Variants in AOPEP observed in about 807,000 individuals in gnomAD.
AOPEP encodes the protein aminopeptidase O.
In AOPEP, 77 loss-of-function variants were observed where a neutral mutation model predicts 98.1. The observed-to-expected ratio is 0.78, with a 90% CI of 0.65 to 0.95. AOPEP has a LOEUF of 0.95. Ranked by LOEUF, AOPEP falls within the 40% of genes least tolerant of loss-of-function variation. The pLI, the probability that AOPEP is intolerant of heterozygous loss-of-function variation, is 0.00. For missense variants in AOPEP, 1,024 were observed against 1,024.7 expected (o/e 1.00, Z 0.01); for synonymous variants, 346 against 365.3 (o/e 0.95, Z 0.60).
At chr9:95,143,933 G>A in the AOPEP span, among the ~76,000 whole-genome samples, 16 of 152,234 alleles carry the variant, frequency 1.1e-4, no homozygotes, top group African/African-American at 3.9e-4. Flanking sequence ...AGCATCTGCT[G>A]TTTAAAAGAC....
intron 7 of AOPEP, chr9:94,932,483 T>TTA: frequency 5.8e-6 from 1 of 171,684 alleles, no homozygotes; most frequent in Non-Finnish European, 1.1e-5. Context: ...CTTTCTTTCT[T>TTA]TCTTTTTTTT....
At chr9:94,770,942 A>C (rs1221366792) in intron 2 of AOPEP, among the ~76,000 whole-genome samples, 1 of 152,218 alleles carries the variant, frequency 6.6e-6, no homozygotes, top group African/African-American at 2.4e-5. Flanking sequence ...GCTACTTCAC[A>C]GAAGTCTTCC....
chr9:95,060,716 T>G lies in AOPEP; in HGVS notation c.2138T>G (p.Leu713Trp), dbSNP rs750335512. The change falls in exon 14 of 17, where the codon TTG (leucine) becomes TGG (tryptophan). Residue 713 changes from leucine (L) to tryptophan (W), a missense_variant. Around this residue, in one of 3 missense-constraint regions of AOPEP, gnomAD observed 566 missense variants for 551.7 expected, o/e 1.03. Coordinates refer to ENST00000375315, the MANE Select transcript of AOPEP (RefSeq NM_001193329.3). ...TAGCTTCTTCCAGACCAGCTGGTCT[T>G]GCTTCTGGAGCATCTCTTGGAGCAG... ...FEKLLPDQLV[L>W]LLEHLLEQKT... 1 of 1,614,070 alleles carries G rather than the reference T, an allele frequency of 6.2e-7. No individual in the cohort carries two copies. Among genetic ancestry groups the G allele is most frequent in the South Asian group, 1.1e-5 (1 of 91,082 alleles).
At chr9:94,779,087 T>A (rs1232056279) in intron 3 of AOPEP, among the ~76,000 whole-genome samples, 1 of 152,154 alleles carries the variant, frequency 6.6e-6, no homozygotes, top group Non-Finnish European at 1.5e-5. Context: ...GGTGTCAACT[T>A]GACTGGATTA....
At chr9:95,052,619 G>A (rs947669465) in intron 13 of AOPEP, among the ~76,000 whole-genome samples, 10 of 152,116 alleles carry the variant, frequency 6.6e-5, no homozygotes, top group East Asian at 1.9e-4. Context: ...AAGAAGAATC[G>A]TGTTGATAAA....
intron 5 of AOPEP, among the ~76,000 whole-genome samples, chr9:94,903,623 T>A (rs1227004732): frequency 4.4e-5 from 6 of 136,712 alleles, no homozygotes; most frequent in South Asian, 4.8e-4. Flanking sequence ...ACTCCATCTC[T>A]AAAAAAAAAA....
chr9:94,921,899 G>C (rs2053663967), intron 5 of AOPEP, among the ~76,000 whole-genome samples: 1 of 152,156 alleles, frequency 6.6e-6, no homozygotes, highest in Non-Finnish European at 1.5e-5. Flanking sequence ...GAGGACAGTA[G>C]GAAGTACATT....
chr9:94,957,568 C>T (rs1349689314), intron 9 of AOPEP, among the ~76,000 whole-genome samples: 1 of 152,204 alleles, frequency 6.6e-6, no homozygotes, highest in East Asian at 1.9e-4. Flanking sequence ...AGATAAAATT[C>T]ACATACCATA....
At chr9:95,127,378 T>G in the AOPEP span, 1 of 152,280 alleles carries the variant, frequency 6.6e-6, no homozygotes, top group Non-Finnish European at 1.5e-5. Context: ...CGGCACCAGG[T>G]ACCGGTTTCT....
intron 2 of AOPEP, among the ~76,000 whole-genome samples, chr9:94,767,589 G>A (rs923356414): frequency 3.3e-5 from 5 of 152,144 alleles, no homozygotes; most frequent in Non-Finnish European, 4.4e-5. Flanking sequence ...TCTGTAAAAC[G>A]AGAAGATTCC....
At chr9:94,983,403 G>A (rs2060316909) in intron 11 of AOPEP, among the ~76,000 whole-genome samples, 1 of 152,114 alleles carries the variant, frequency 6.6e-6, no homozygotes, top group South Asian at 2.1e-4. Context: ...CTTACCAAAT[G>A]TCTAATTTTC....
At chr9:94,977,156 T>C (rs1229486967) in intron 10 of AOPEP, among the ~76,000 whole-genome samples, 1 of 152,118 alleles carries the variant, frequency 6.6e-6, no homozygotes, top group Non-Finnish European at 1.5e-5. Flanking sequence ...TGTGTGAAGA[T>C]GGAGGTAAGA....
At chr9:95,015,490 G>T (rs986805400) in intron 13 of AOPEP, among the ~76,000 whole-genome samples, 1 of 152,126 alleles carries the variant, frequency 6.6e-6, no homozygotes, top group Non-Finnish European at 1.5e-5. Flanking sequence ...TGTTCACAAC[G>T]TACAAAACCC....
At chr9:94,916,378 T>G (rs1002992486) in intron 5 of AOPEP, among the ~76,000 whole-genome samples, 42 of 152,202 alleles carry the variant, frequency 2.8e-4, no homozygotes, top group African/African-American at 8.9e-4. Flanking sequence ...CTGCAGAAAA[T>G]ACACAGCTTT....
rs1446760155 is a variant in AOPEP, at chr9:94,916,027, A to G, written c.1365-7959A>G. Among the ~76,000 whole-genome samples the G allele has an allele frequency of 2.0e-5, 3 of 152,232 alleles. No homozygotes were observed. In the East Asian group the frequency reaches 5.8e-4, roughly 30 times the overall value. On this transcript the variant is annotated intron_variant, in intron 5 of 16. Transcript: ENST00000375315. ...CCATAAAGCAGCCCTCCAGGCCTCC[A>G]CACCGCCACACGGGACAGACTTGTG...
At chr9:95,109,946 C>T in the AOPEP span, among the ~76,000 whole-genome samples, 12 of 152,298 alleles carry the variant, frequency 7.9e-5, no homozygotes, top group South Asian at 2.1e-4. Flanking sequence ...CTTCCCAGGA[C>T]GCCACATACA....
chr9:94,935,194 CAACT>C, intron 7 of AOPEP: 1 of 152,174 alleles, frequency 6.6e-6, no homozygotes, highest in Non-Finnish European at 1.5e-5. Flanking sequence ...CTTCCTCCAC[CAACT>C]GTCTCCCTCC....
At chr9:94,778,687 G>C (rs961211328) in intron 3 of AOPEP, among the ~76,000 whole-genome samples, 2 of 152,134 alleles carry the variant, frequency 1.3e-5, no homozygotes, top group African/African-American at 4.8e-5. Flanking sequence ...TAATGATTAT[G>C]TAAGTGTGTT....
At chr9:94,788,826 C>A (rs1228291836) in intron 3 of AOPEP, among the ~76,000 whole-genome samples, 1 of 152,228 alleles carries the variant, frequency 6.6e-6, no homozygotes, top group East Asian at 1.9e-4. Flanking sequence ...TGTGCCATTT[C>A]TCCTCCAGCA....
Sources: allele counts gnomAD v4.1 joint callset (sites outside exome capture counted in the v4.1 genomes callset), GRCh38; gene constraint gnomAD v4.1.1; regional missense constraint gnomAD v4.1.1; transcripts MANE v1.5; gene names NCBI Gene and HGNC (gene_info 2026-07-23, HGNC 2026-07-21).